The following PRKCA variants were observed in gnomAD, a reference collection of about 807,000 sequenced individuals.
PRKCA encodes the protein protein kinase C alpha type.
Under a neutral mutation model 87.0 loss-of-function variants are expected in PRKCA, and 27 were observed. That is an observed-to-expected ratio of 0.31 (90% confidence interval 0.23 to 0.43). The LOEUF is 0.43. PRKCA is among the 20% of genes least tolerant of loss of function. The pLI is 1.00. For synonymous variants in PRKCA, 329 were observed against 311.1 expected (o/e 1.06, Z -0.61); for missense variants, 518 against 852.3 (o/e 0.61, Z 4.88).
intron 2 of PRKCA, among the ~76,000 whole-genome samples, chr17:66,480,598 G>A (rs1915736210): frequency 6.6e-6 from 1 of 152,140 alleles, no homozygotes; most frequent in Non-Finnish European, 1.5e-5. Context: ...GATTTCAGAA[G>A]AAACATTGTA....
intron 8 of PRKCA, among the ~76,000 whole-genome samples, chr17:66,706,741 A>G (rs544152753): frequency 2.0e-5 from 3 of 152,112 alleles, no homozygotes; most frequent in Non-Finnish European, 4.4e-5. Context: ...TGGTGCCTAT[A>G]AATAGATTTT....
chr17:66,508,726 T>A (rs934445772), intron 3 of PRKCA, among the ~76,000 whole-genome samples: 5 of 152,168 alleles, frequency 3.3e-5, no homozygotes, highest in African/African-American at 7.2e-5. Context: ...TTCCTCTCCA[T>A]CTCCATAGCC....
At chr17:66,363,693 C>CTTATTTATTTAT (rs112589987) in intron 2 of PRKCA, among the ~76,000 whole-genome samples, 37 of 151,250 alleles carry the variant, frequency 2.4e-4, no homozygotes, top group East Asian at 1.6e-3. Context: ...TAGGGATGGG[C>CTTATTTATTTAT]TTATTTATTT....
chr17:66,372,865 T>A (rs967928210), intron 2 of PRKCA, among the ~76,000 whole-genome samples: 9 of 152,126 alleles, frequency 5.9e-5, no homozygotes, highest in Middle Eastern at 3.2e-3. Context: ...GAGACCAGCC[T>A]GCCCAACACG....
rs148009983 is a variant in PRKCA at position 66,665,519 on chromosome 17, C to T, written c.529+20008C>T. Reference sequence around the variant, plus strand: ...TGGCAAGAGGGGGTCCAAGTACCTCCCATGGCTCATTAAAGTCACCTGAGT... The same window carrying T: ...TGGCAAGAGGGGGTCCAAGTACCTCTCATGGCTCATTAAAGTCACCTGAGT... On this transcript the variant is annotated intron_variant, in intron 5 of 16. Coordinates refer to ENST00000413366, the MANE Select transcript of PRKCA (RefSeq NM_002737.3). Among the ~76,000 whole-genome samples, 918 of 143,486 alleles carry T rather than the reference C, an allele frequency of 6.4e-3. 7 individuals are homozygous for T. Among genetic ancestry groups the T allele is most frequent in the Non-Finnish European group, 6.4e-3 (414 of 64,432 alleles). 94.1% of individuals were successfully genotyped at this position (143,486 alleles called of 152,430 possible). A position where few individuals can be genotyped will look rare whatever the true frequency, so the allele number is the denominator to read the frequency against.
chr17:66,806,441 T>C lies in PRKCA; in HGVS notation c.*2404T>C, dbSNP rs536280565. On this transcript the variant is annotated 3_prime_UTR_variant, in exon 17 of 17. Transcript: ENST00000413366. ...TCCCCTGTCCCTGCAGCCCTGCAGG[T>C]CAGTGCATGATCTGGGTTCGTGTCC... is the stretch of plus-strand genomic sequence containing the variant. The C allele has an allele frequency of 6.6e-6, 1 of 152,288 alleles. No homozygotes were observed. The highest frequency in any genetic ancestry group is 2.1e-4 in the South Asian group (1 of 4,802). The allele number at this position is 152,288 out of a possible 1,614,324, so 9.4% of individuals were successfully genotyped here.
intron 11 of PRKCA, 53 bp downstream of exon 11, chr17:66,738,908 G>A: frequency 2.2e-6 from 3 of 1,365,572 alleles, no homozygotes; most frequent in Admixed American, 4.2e-5. Context: ...CCTACCAACT[G>A]GAAACTTCCT....
chr17:66,430,333 T>C (rs148611204), intron 2 of PRKCA, among the ~76,000 whole-genome samples: 1 of 151,980 alleles, frequency 6.6e-6, no homozygotes, highest in Non-Finnish European at 1.5e-5. Flanking sequence ...AGCCCCCAGC[T>C]GACTACAGGG....
At chr17:66,577,915 T>TA (rs1326739573) in intron 3 of PRKCA, among the ~76,000 whole-genome samples, 7 of 151,920 alleles carry the variant, frequency 4.6e-5, no homozygotes, top group African/African-American at 1.7e-4. Flanking sequence ...CCTGCATGCT[T>TA]AGCTTCCGAC....
chr17:66,481,682 A>G (rs75299951), intron 2 of PRKCA, among the ~76,000 whole-genome samples: 2,148 of 152,282 alleles, frequency 0.014, 56 homozygotes, highest in African/African-American at 0.049. Flanking sequence ...TCTTCTAGGC[A>G]GATACCTGAA....
At chr17:66,540,594 C>G (rs1967954204) in intron 3 of PRKCA, among the ~76,000 whole-genome samples, 1 of 152,186 alleles carries the variant, frequency 6.6e-6, no homozygotes. Context: ...CCCTGCTGCA[C>G]TTTGTGAGTG....
At chr17:66,355,635 T>G (rs1908002930) in intron 2 of PRKCA, among the ~76,000 whole-genome samples, 1 of 152,190 alleles carries the variant, frequency 6.6e-6, no homozygotes, top group Non-Finnish European at 1.5e-5. Context: ...GAATTGGCCC[T>G]AAGCAAGTAA....
At chr17:66,795,038 A>G (rs1370305893) in intron 16 of PRKCA, among the ~76,000 whole-genome samples, 1 of 151,604 alleles carries the variant, frequency 6.6e-6, no homozygotes, top group Non-Finnish European at 1.5e-5. Flanking sequence ...TTTTGCACCA[A>G]CCTTAATATA....
chr17:66,777,997 C>G (rs1451757408), intron 14 of PRKCA: 1 of 985,308 alleles, frequency 1.0e-6, no homozygotes, highest in Non-Finnish European at 1.2e-6. Flanking sequence ...TTTTGAAGCT[C>G]TGCCACACTG....
At chr17:66,426,610 T>C in intron 2 of PRKCA, among the ~76,000 whole-genome samples, 1 of 152,194 alleles carries the variant, frequency 6.6e-6, no homozygotes, top group East Asian at 1.9e-4. Flanking sequence ...CCTCTTCCTG[T>C]GCTGCAAGAA....
chr17:66,393,406 C>G (rs77682324), intron 2 of PRKCA, among the ~76,000 whole-genome samples: 1 of 151,136 alleles, frequency 6.6e-6, no homozygotes, highest in Non-Finnish European at 1.5e-5. Flanking sequence ...ATGCTTCTCC[C>G]GGACACACAC....
chr17:66,582,657 T>C (rs2143476285), intron 3 of PRKCA, among the ~76,000 whole-genome samples: 1 of 152,344 alleles, frequency 6.6e-6, no homozygotes, highest in Middle Eastern at 3.4e-3. Flanking sequence ...ATCTTGGGTA[T>C]GTCTTTATTA....
chr17:66,438,018 G>C (rs909459348), intron 2 of PRKCA, among the ~76,000 whole-genome samples: 1 of 152,010 alleles, frequency 6.6e-6, no homozygotes, highest in African/African-American at 2.4e-5. Flanking sequence ...TGGGGTTTGG[G>C]GGGTGGGTGT....
At chr17:66,461,744 C>T (rs147932752) in intron 2 of PRKCA, among the ~76,000 whole-genome samples, 97 of 152,250 alleles carry the variant, frequency 6.4e-4, no homozygotes, top group African/African-American at 2.3e-3. Context: ...TGAGAACCTT[C>T]TTGGCATAGA....
Sources: allele counts gnomAD v4.1 joint callset (sites outside exome capture counted in the v4.1 genomes callset), GRCh38; gene constraint gnomAD v4.1.1; transcripts MANE v1.5; gene names NCBI Gene and HGNC (gene_info 2026-07-23, HGNC 2026-07-21).